The following ZFHX3 variants were observed in gnomAD, a reference collection of about 807,000 sequenced individuals.
The protein encoded by ZFHX3 is zinc finger homeobox protein 3.
A neutral mutation model predicts 279.1 loss-of-function variants in ZFHX3; 42 were observed. The ratio of observed to expected loss-of-function variants is 0.15; its 90% CI spans 0.12 to 0.19. ZFHX3 has a LOEUF of 0.19. Among genes scored for constraint, ZFHX3 ranks in the 10% least tolerant of loss-of-function variants. The pLI, the probability that ZFHX3 is intolerant of heterozygous loss-of-function variation, is 1.00. For synonymous variants in ZFHX3, 2,293 were observed against 1,957.8 expected (o/e 1.17, Z -4.52); for missense variants, 4,981 against 4,754.0 (o/e 1.05, Z -1.40).
rs550805035 is a variant in ZFHX3 at position 73,837,252 on chromosome 16, G to A, written c.-1608+54399C>T. 1.8e-3 allele frequency among the ~76,000 whole-genome samples: 269 copies of A among 152,210 alleles called. 1 individual carries two copies. The highest frequency in any genetic ancestry group is 3.1e-3 in the Non-Finnish European group (209 of 68,006). On this transcript the variant is annotated intron_variant, in intron 1 of 17. Coordinates refer to the ZFHX3 transcript ENST00000641206. ...AACTAAACTCATGTTAATATCTTTG[G>A]AATGGTTGTTTGATCAAACCTCACT...
At chr16:72,878,752 G>A (rs1046683732) in intron 4 of ZFHX3, among the ~76,000 whole-genome samples, 1 of 152,148 alleles carries the variant, frequency 6.6e-6, no homozygotes, top group African/African-American at 2.4e-5. Context: ...GCAGTGGGAA[G>A]AGCACAGCCC....
chr16:73,399,827 TGTGGTGTGTG>T (rs1304516014), intron 3 of ZFHX3, among the ~76,000 whole-genome samples: 1 of 99,678 alleles, frequency 1.0e-5, no homozygotes, highest in East Asian at 2.6e-4. Flanking sequence ...GTGTGTGGAG[TGTGGTGTGTG>T]GTGTGTGTGT....
intron 2 of ZFHX3, among the ~76,000 whole-genome samples, chr16:72,956,819 A>C (rs1055719314): frequency 3.5e-5 from 4 of 114,706 alleles, no homozygotes; most frequent in African/African-American, 1.3e-4. Context: ...CCAAGTACTC[A>C]TCAAAAATAA....
At chr16:73,206,512 GGCCAGA>G (rs552325995) in intron 5 of ZFHX3, among the ~76,000 whole-genome samples, 2 of 152,090 alleles carry the variant, frequency 1.3e-5, no homozygotes, top group African/African-American at 2.4e-5. Context: ...TTCTTATCTA[GGCCAGA>G]GCTTGGTTAC....
At chr16:73,887,315 C>T (rs1211636696) in intron 1 of ZFHX3, among the ~76,000 whole-genome samples, 1 of 152,104 alleles carries the variant, frequency 6.6e-6, no homozygotes, top group Non-Finnish European at 1.5e-5. Context: ...GAACTCTAGT[C>T]TTAATAGTAT....
chr16:73,663,023 A>G (rs1299600782), intron 2 of ZFHX3, among the ~76,000 whole-genome samples: 1 of 152,186 alleles, frequency 6.6e-6, no homozygotes, highest in Non-Finnish European at 1.5e-5. Flanking sequence ...TGCTATAGGC[A>G]TACTCCAAAA....
chr16:73,549,397 T>G (rs1310732570), intron 2 of ZFHX3, among the ~76,000 whole-genome samples: 1 of 152,134 alleles, frequency 6.6e-6, no homozygotes, highest in East Asian at 1.9e-4. Context: ...TACAGGTTCT[T>G]TTTTTCTTTA....
chr16:73,835,354 A>AT (rs1961110576), intron 1 of ZFHX3, among the ~76,000 whole-genome samples: 1 of 138,268 alleles, frequency 7.2e-6, no homozygotes, highest in Non-Finnish European at 1.5e-5. Context: ...CAAGAAAATT[A>AT]TTTTTCTTTC....
chr16:73,490,709 G>A (rs1567499867), intron 2 of ZFHX3, among the ~76,000 whole-genome samples: 1 of 152,102 alleles, frequency 6.6e-6, no homozygotes, highest in Non-Finnish European at 1.5e-5. Context: ...GTGGTGGCAC[G>A]TGCTATAGTC....
chr16:73,077,066 A>T (rs1965893250), intron 8 of ZFHX3, among the ~76,000 whole-genome samples: 1 of 152,136 alleles, frequency 6.6e-6, no homozygotes, highest in Non-Finnish European at 1.5e-5. Flanking sequence ...TGGGACTCTC[A>T]AAAAGGATGC....
rs2035866404 is a variant in ZFHX3, at chr16:72,795,334, G to C, written c.7348C>G (p.Pro2450Ala). 1 of 1,614,074 alleles carries C rather than the reference G, an allele frequency of 6.2e-7. No homozygotes were observed. The highest frequency in any genetic ancestry group is 1.7e-5 in the Admixed American group (1 of 60,020). The change falls in exon 9 of 10, where the codon CCA becomes GCA. Residue 2450 changes from proline (P) to alanine (A), a missense_variant. Pro to Ala is a conservative substitution (Grantham distance 27, BLOSUM62 -1). Transcript: ENST00000268489. Reference sequence around the variant, plus strand: ...TCTTGCTGCTGCAGCTCTGGCTTTGGTTGTCCTTGCTTTTCTTGGGTTTGG... The same window carrying C: ...TCTTGCTGCTGCAGCTCTGGCTTTGCTTGTCCTTGCTTTTCTTGGGTTTGG... Reference protein sequence around the residue: ...PNQTQEKQGQPKPELQQQEQP... With the variant: ...PNQTQEKQGQAKPELQQQEQP...
chr16:72,828,289 C>T (rs756902733), intron 5 of ZFHX3, among the ~76,000 whole-genome samples: 1 of 152,110 alleles, frequency 6.6e-6, no homozygotes, highest in Non-Finnish European at 1.5e-5. Flanking sequence ...TTTTGTTGCC[C>T]GTCACATCAT....
intron 3 of ZFHX3, among the ~76,000 whole-genome samples, chr16:73,359,625 T>C (rs1009185568): frequency 6.6e-6 from 1 of 152,146 alleles, no homozygotes; most frequent in African/African-American, 2.4e-5. Context: ...AAAGGCCCCA[T>C]GTGGGGATGG....
intron 2 of ZFHX3, among the ~76,000 whole-genome samples, chr16:73,537,314 C>CTTTTTTTTTTTT (rs3051948): frequency 3.9e-5 from 3 of 77,596 alleles, no homozygotes; most frequent in Non-Finnish European, 5.0e-5. Context: ...CTTTCTTCTT[C>CTTTTTTTTTTTT]TTTTTTTTTT....
chr16:73,336,893 G>A (rs1253307871), intron 3 of ZFHX3, among the ~76,000 whole-genome samples: 3 of 151,832 alleles, frequency 2.0e-5, no homozygotes, highest in Middle Eastern at 3.2e-3. Context: ...CCCGTCCCTC[G>A]CTTCCCCAAA....
At chr16:73,017,201 C>A (rs1381731561) in intron 1 of ZFHX3, among the ~76,000 whole-genome samples, 2 of 150,572 alleles carry the variant, frequency 1.3e-5, no homozygotes, top group African/African-American at 4.9e-5. Flanking sequence ...CCACTGCAAT[C>A]CAGACTGAGC....
chr16:73,093,134 C>T, intron 8 of ZFHX3: 1 of 520,080 alleles, frequency 1.9e-6, no homozygotes, highest in Non-Finnish European at 3.8e-6. Flanking sequence ...CAAGAACAAC[C>T]CCGACAGCTG....
At chr16:73,303,258 C>T (rs1179818198) in intron 4 of ZFHX3, among the ~76,000 whole-genome samples, 3 of 152,090 alleles carry the variant, frequency 2.0e-5, no homozygotes, top group Non-Finnish European at 4.4e-5. Context: ...GAACTCCTAG[C>T]TCCAAGCAAT....
Position 73,715,562 on chromosome 16 carries a change from C to CTTTTTT in ZFHX3, c.-1607-35328_-1607-35323dup, listed in dbSNP as rs949665075. 1.6e-4 allele frequency among the ~76,000 whole-genome samples: 10 copies of CTTTTTT among 63,022 alleles called. 2 individuals carry two copies. Among genetic ancestry groups the CTTTTTT allele is most frequent in the African/African-American group, 5.2e-4 (7 of 13,574 alleles). The allele number at this position is 63,022 out of a possible 152,430, so 41.3% of individuals were successfully genotyped here. A position where few individuals can be genotyped will look rare whatever the true frequency, so the allele number is the denominator to read the frequency against. On this transcript the variant is annotated intron_variant, in intron 1 of 17. Transcript: ENST00000641206. ...CAAGTTAGCAAGTACCACAGCTGGT[C>CTTTTTT]TTTTTTTTTTTTTTTTTTTTTTTTT...
Sources: gnomAD v4.1 joint callset for allele counts (sites outside exome capture counted in the v4.1 genomes callset) on GRCh38, gnomAD v4.1.1 for gene constraint, MANE v1.5 for transcripts, NCBI Gene and HGNC (gene_info 2026-07-23, HGNC 2026-07-21) for gene names.